Variants in CCDC169 observed in about 807,000 individuals in gnomAD.
The protein encoded by CCDC169 is coiled-coil domain-containing protein 169.
CCDC169 carries 30 observed loss-of-function variants against 36.0 expected under a neutral mutation model. The observed-to-expected ratio is 0.83, with a 90% CI of 0.62 to 1.13. The LOEUF is 1.13. CCDC169 is among the 50% of genes most tolerant of loss of function. The probability of loss-of-function intolerance (pLI) is 0.00; values close to 1 mark genes in which losing one functional copy is unlikely to be tolerated. For synonymous variants in CCDC169, 85 were observed against 81.5 expected (o/e 1.04, Z -0.23); for missense variants, 245 against 245.9 (o/e 1.00, Z 0.03).
chr13:36,292,046 T>A (rs1444224555), intron 2 of CCDC169, among the ~76,000 whole-genome samples: 1 of 151,104 alleles, frequency 6.6e-6, no homozygotes, highest in East Asian at 2.0e-4. Context: ...TGGAGTGCAA[T>A]GGTGCAATCT....
intron 1 of CCDC169, among the ~76,000 whole-genome samples, chr13:36,296,558 T>C (rs923723745): frequency 2.6e-5 from 4 of 152,178 alleles, no homozygotes; most frequent in Non-Finnish European, 4.4e-5. Context: ...CAAACACTAA[T>C]TTAAAAGGTT....
chr13:36,291,330 T>C (rs1265023447), intron 2 of CCDC169, among the ~76,000 whole-genome samples: 1 of 152,220 alleles, frequency 6.6e-6, no homozygotes, highest in East Asian at 1.9e-4. Context: ...GTATGAAATC[T>C]CTTATGTTAA....
chr13:36,235,298 G>C (rs1314774793), intron 7 of CCDC169, among the ~76,000 whole-genome samples: 1 of 151,422 alleles, frequency 6.6e-6, no homozygotes, highest in Non-Finnish European at 1.5e-5. Flanking sequence ...AATGAAATAG[G>C]AGAGAACACC....
At position 36,283,713 on chromosome 13, in the gene CCDC169, A is replaced by C. The variant is rs1031272799; in HGVS notation, c.164-11T>G. 1.0e-5 allele frequency: 16 copies of C among 1,532,928 alleles called. No individual in the cohort carries two copies. The African/African-American group carries it at 1.9e-4, about 18-fold the overall frequency. The allele number at this position is 1,532,928 out of a possible 1,614,324, so 95.0% of individuals were successfully genotyped here. ...TTTTCCATTCACTACCTGAGTAAAA[A>C]CAGGGAGAAACAATCAAGATCACCC... is the stretch of plus-strand genomic sequence containing the variant. On this transcript the variant is annotated splice_polypyrimidine_tract_variant and intron_variant, in intron 2 of 7. Transcript: ENST00000239859.
intron 7 of CCDC169, 124 bp from the exon 8 acceptor site, chr13:36,231,416 A>G: frequency 1.1e-6 from 1 of 879,794 alleles, no homozygotes; most frequent in South Asian, 1.8e-5. Context: ...TCACACGGAA[A>G]CCTTCCTGTG....
At chr13:36,233,856 AGGCAGAAAT>A (rs1870742089) in intron 7 of CCDC169, among the ~76,000 whole-genome samples, 1 of 152,228 alleles carries the variant, frequency 6.6e-6, no homozygotes, top group Non-Finnish European at 1.5e-5. Flanking sequence ...CTTGGCCAGC[AGGCAGAAAT>A]GGCCTTACAA....
At chr13:36,236,751 A>G (rs1593994855) in intron 7 of CCDC169, among the ~76,000 whole-genome samples, 1 of 152,076 alleles carries the variant, frequency 6.6e-6, no homozygotes, top group East Asian at 1.9e-4. Context: ...AATGCTCTCA[A>G]TGCAATATAA....
At chr13:36,264,480 C>T (rs1875017585) in intron 4 of CCDC169, among the ~76,000 whole-genome samples, 2 of 151,772 alleles carry the variant, frequency 1.3e-5, no homozygotes, top group South Asian at 4.2e-4. Flanking sequence ...GAAAGCTTAA[C>T]ATGTTAGGCT....
chr13:36,270,745 A>C (rs530884524), intron 4 of CCDC169, among the ~76,000 whole-genome samples: 1 of 152,220 alleles, frequency 6.6e-6, no homozygotes, highest in South Asian at 2.1e-4. Context: ...CTGGATCCCT[A>C]TCTCTTACCT....
intron 4 of CCDC169, among the ~76,000 whole-genome samples, chr13:36,263,468 T>C (rs1251432408): frequency 6.6e-6 from 1 of 152,222 alleles, no homozygotes; most frequent in Non-Finnish European, 1.5e-5. Context: ...CATACCTTCC[T>C]GAAACACAGC....
At chr13:36,283,448 T>C in intron 4 of CCDC169, 21 bp downstream of exon 4, 1 of 1,540,784 alleles carries the variant, frequency 6.5e-7, no homozygotes, top group Non-Finnish European at 8.8e-7. Context: ...ATTCTTTGTG[T>C]TTAATCACAT....
intron 4 of CCDC169, among the ~76,000 whole-genome samples, chr13:36,277,908 G>A (rs1877033121): frequency 6.7e-6 from 1 of 149,214 alleles, no homozygotes; most frequent in African/African-American, 2.5e-5. Flanking sequence ...TCGTGCCATT[G>A]CACTCCAGCC....
intron 2 of CCDC169, among the ~76,000 whole-genome samples, chr13:36,292,288 C>A (rs1878998402): frequency 6.6e-6 from 1 of 152,098 alleles, no homozygotes; most frequent in Admixed American, 6.6e-5. Flanking sequence ...ACTGCCGCAC[C>A]TGGCCTCCAT....
intron 7 of CCDC169, among the ~76,000 whole-genome samples, chr13:36,244,227 T>C (rs1872214153): frequency 6.6e-6 from 1 of 152,188 alleles, no homozygotes. Context: ...GGTAAACAGT[T>C]CCCTACACAG....
Position 36,230,790 on chromosome 13 carries a change from C to T in CCDC169, c.*403G>A. On this transcript the variant is annotated 3_prime_UTR_variant, in exon 8 of 8. Coordinates refer to ENST00000239859, the MANE Select transcript of CCDC169 (RefSeq NM_001144981.3). ...ACTTGATTTTCGGCTTTGTTTAAACCTGCAATTTAAAAAACTGAGCAAGAT... is the reference window on the plus strand; with the variant it reads ...ACTTGATTTTCGGCTTTGTTTAAACTTGCAATTTAAAAAACTGAGCAAGAT... 2 of 987,462 alleles carry T rather than the reference C, an allele frequency of 2.0e-6. No individual in the cohort carries two copies. The highest frequency in any genetic ancestry group is 2.4e-6 in the Non-Finnish European group (2 of 831,534). 61.2% of individuals were successfully genotyped at this position (987,462 alleles called of 1,614,324 possible).
At position 36,288,897 on chromosome 13, in the gene CCDC169, T is replaced by C. The variant is rs1303538645; in HGVS notation, c.164-5195A>G. Among the ~76,000 whole-genome samples the C allele has an allele frequency of 2.0e-5, 3 of 152,208 alleles. No homozygotes were observed. In the East Asian group the frequency reaches 5.8e-4, roughly 29 times the overall value. ...AAAGATTTTATATAGTAAATTCTTA[T>C]CCTAAAATAAAATGGCTAGTTATTC... is the stretch of plus-strand genomic sequence containing the variant. On this transcript the variant is annotated intron_variant, in intron 2 of 7. Coordinates refer to ENST00000239859, the MANE Select transcript of CCDC169 (RefSeq NM_001144981.3).
At chr13:36,294,233 C>T (rs1413022484) in intron 2 of CCDC169, among the ~76,000 whole-genome samples, 2 of 152,158 alleles carry the variant, frequency 1.3e-5, no homozygotes, top group African/African-American at 2.4e-5. Context: ...TTGAGAACTG[C>T]TACAACTTGT....
At chr13:36,252,538 C>T (rs1873300605) in intron 6 of CCDC169, among the ~76,000 whole-genome samples, 2 of 152,148 alleles carry the variant, frequency 1.3e-5, no homozygotes, top group South Asian at 2.1e-4. Context: ...TCCTCTACCT[C>T]CTTGTCTGAC....
chr13:36,248,441 T>C (rs1872751284), intron 7 of CCDC169, 165 bp downstream of exon 7: 2 of 509,674 alleles, frequency 3.9e-6, no homozygotes, highest in South Asian at 8.4e-5. Flanking sequence ...GTATAAATAG[T>C]GGAACAGATC....
Sources: allele counts gnomAD v4.1 joint callset (sites outside exome capture counted in the v4.1 genomes callset), GRCh38; gene constraint gnomAD v4.1.1; transcripts MANE v1.5; gene names NCBI Gene and HGNC (gene_info 2026-07-23, HGNC 2026-07-21).